Variants in UNC80 observed in about 807,000 individuals in gnomAD.
UNC80 encodes the protein protein unc-80 homolog.
In UNC80, 164 loss-of-function variants were observed where a neutral mutation model predicts 384.6. That is an observed-to-expected ratio of 0.43 (90% CI 0.38 to 0.49). UNC80 has a LOEUF of 0.49. UNC80 is among the 20% of genes least tolerant of loss of function. UNC80 has a pLI of 0.00. For missense variants in UNC80, 3,330 were observed against 4,143.0 expected (o/e 0.80, Z 5.39); for synonymous variants, 1,486 against 1,527.8 (o/e 0.97, Z 0.64).
Position 209,978,544 on chromosome 2 carries a change from C to T in UNC80, c.8954C>T (p.Thr2985Ile), listed in dbSNP as rs749080363. The change falls in exon 59 of 65, where the codon ACA (threonine) becomes ATA (isoleucine). Residue 2985 changes from threonine to isoleucine, a missense_variant. This residue lies in a region of UNC80 where 216 missense variants were observed against 245.3 expected (regional missense o/e 0.88). Coordinates refer to ENST00000673920, the MANE Select transcript of UNC80 (RefSeq NM_001371986.1). ...CATCCTCTAGCCTACCAAGGCAAGA[C>T]ATCCATCAGTACCGTGGGCACCTCC... ...VHSGSAYQGK[T>I]SISTVGTSTS... 2.7e-5 allele frequency: 42 copies of T among 1,546,788 alleles called. No homozygotes were observed. Among genetic ancestry groups the T allele is most frequent in the Non-Finnish European group, 2.9e-5 (33 of 1,143,362 alleles).
chr2:209,980,986 T>C (rs1039935282), intron 59 of UNC80, among the ~76,000 whole-genome samples: 4 of 152,230 alleles, frequency 2.6e-5, no homozygotes, highest in African/African-American at 9.6e-5. Flanking sequence ...AAAGAAAATA[T>C]CATTCTATAA....
At chr2:209,957,178 A>G (rs1251642949) in intron 48 of UNC80, among the ~76,000 whole-genome samples, 1 of 152,188 alleles carries the variant, frequency 6.6e-6, no homozygotes, top group Non-Finnish European at 1.5e-5. Context: ...TGACTAGGAG[A>G]ATTCTTTTAT....
intron 61 of UNC80, among the ~76,000 whole-genome samples, 188 bp from the exon 62 acceptor site, chr2:209,991,978 G>A (rs2093400943): frequency 6.6e-6 from 1 of 152,108 alleles, no homozygotes; most frequent in Non-Finnish European, 1.5e-5. Flanking sequence ...GCAGCTTGGG[G>A]CTACAAGGCC....
intron 15 of UNC80, among the ~76,000 whole-genome samples, chr2:209,829,886 T>TA (rs1302753014): frequency 3.3e-5 from 5 of 152,194 alleles, no homozygotes; most frequent in Admixed American, 6.5e-5. Context: ...TAATTTTTTT[T>TA]AAAAAGGCAA....
intron 33 of UNC80, among the ~76,000 whole-genome samples, chr2:209,919,126 C>T (rs73078956): frequency 0.18 from 26,632 of 151,944 alleles, 2,477 homozygotes; most frequent in East Asian, 0.22. Context: ...ACTCTGACAC[C>T]CCTGCTCTTA....
In UNC80 at chr2:209,943,391, C is replaced by G. The variant is rs2091747405; in HGVS notation, c.6927C>G (p.Asp2309Glu). The G allele has an allele frequency of 6.4e-7, 1 of 1,552,188 alleles. No homozygotes were observed. Among genetic ancestry groups the G allele is most frequent in the Admixed American group, 2.0e-5 (1 of 50,996 alleles). The part of the protein sequence containing the change: ...ILPTMLQVYS[D>E]YESNPQLRQA... ...GCATTTTTCCATAGGTGTACTCCGA[C>G]TATGAAAGCAATCCCCAGCTGCGTC... Residue 2309 changes from aspartate (D) to glutamate (E), a missense_variant, in exon 45 of 65, where the codon GAC (aspartate) becomes GAG (glutamate). Transcript: ENST00000673920.
At position 209,904,773 on chromosome 2, in the gene UNC80, C is replaced by T. The variant is rs747603609; in HGVS notation, c.4590C>T (p.Ile1530=). The T allele has an allele frequency of 1.3e-6, 2 of 1,551,876 alleles. No individual in the cohort carries two copies. Among genetic ancestry groups the T allele is most frequent in the East Asian group, 2.4e-5 (1 of 40,908 alleles). ...HRNMSWLHVM[I]LLCNQQSFIC... ...GAATGTTTGTATTCCAGGTGATGATCTTGCTGTGCAATCAGCAGAGTTTCA... is the reference window on the plus strand; with the variant it reads ...GAATGTTTGTATTCCAGGTGATGATTTTGCTGTGCAATCAGCAGAGTTTCA... The change falls in exon 29 of 65, where the codon ATC becomes ATT. Residue 1530 remains isoleucine (I), a synonymous_variant. Coordinates refer to ENST00000673920, the MANE Select transcript of UNC80 (RefSeq NM_001371986.1).
At chr2:209,827,518 G>A (rs2080626510) in intron 14 of UNC80, among the ~76,000 whole-genome samples, 2 of 152,146 alleles carry the variant, frequency 1.3e-5, no homozygotes, top group South Asian at 4.1e-4. Context: ...CACTTCCTAT[G>A]AGGGCATCCA....
chr2:209,922,103 A>T, intron 34 of UNC80, 149 bp from the exon 35 acceptor site: 1 of 1,027,152 alleles, frequency 9.7e-7, no homozygotes, highest in Non-Finnish European at 1.3e-6. Context: ...GGGCTTTTTT[A>T]ATTTTTATTT....
intron 44 of UNC80, among the ~76,000 whole-genome samples, chr2:209,941,767 G>A (rs1010128229): frequency 1.3e-5 from 2 of 152,138 alleles, no homozygotes; most frequent in South Asian, 4.2e-4. Flanking sequence ...GCATCAACTG[G>A]AAACTTGTTG....
rs1461674652 is a variant in UNC80 at position 209,840,621 on chromosome 2, A to G, written c.3330A>G (p.Arg1110=). The change falls in exon 20 of 65, where the codon CGA becomes CGG. Residue 1110 remains arginine (R), a synonymous_variant. Coordinates refer to ENST00000673920, the MANE Select transcript of UNC80 (RefSeq NM_001371986.1). ...EDLLDISSVD[R]LSFIRQSSKV... is the part of the protein sequence containing the mutation. ...TCCTGGACATTAGCTCTGTGGACCG[A>G]CTCTCTTTCATCAGGCAAAGCTCCA... is the stretch of plus-strand genomic sequence containing the variant. 4 of 1,551,854 alleles carry G rather than the reference A, an allele frequency of 2.6e-6. No homozygotes were observed. The highest frequency in any genetic ancestry group is 3.5e-6 in the Non-Finnish European group (4 of 1,147,004).
intron 4 of UNC80, among the ~76,000 whole-genome samples, chr2:209,778,631 A>C (rs1472966058): frequency 2.0e-5 from 3 of 152,200 alleles, no homozygotes; most frequent in Non-Finnish European, 4.4e-5. Context: ...GATATTACTT[A>C]ACCCCTCAGT....
Position 209,872,891 on chromosome 2 carries a change from G to T in UNC80, c.3761G>T (p.Gly1254Val). 6.4e-7 allele frequency: 1 copy of T among 1,551,568 alleles called. No individual in the cohort carries two copies. The highest frequency in any genetic ancestry group is 8.7e-7 in the Non-Finnish European group (1 of 1,146,920). ...ATCACCAAGAAAGGACTTTCCCGGG[G>T]ACGCTCTCCCATTGTGGGCAACAAG... ...VNITKKGLSR[G>V]RSPIVGNKRN... Residue 1254 changes from glycine to valine, a missense_variant, in exon 23 of 65, where the codon GGA becomes GTA. This residue lies in a region of UNC80 where 801 missense variants were observed against 950.8 expected (regional missense o/e 0.84). Transcript: ENST00000673920. This position sits in a 1 kb window ranked among gnomAD's most constrained non-coding sequence, Gnocchi z 4.1.
chr2:209,879,924 A>G (rs2085134462), intron 24 of UNC80, among the ~76,000 whole-genome samples: 1 of 152,236 alleles, frequency 6.6e-6, no homozygotes, highest in South Asian at 2.1e-4. Context: ...CCTATTTTCA[A>G]ATGAAATCGT....
At chr2:209,920,670 T>C (rs1220097813) in intron 33 of UNC80, among the ~76,000 whole-genome samples, 1 of 152,184 alleles carries the variant, frequency 6.6e-6, no homozygotes, top group Non-Finnish European at 1.5e-5. Flanking sequence ...TAACTTTGTT[T>C]CCACAAATAT....
chr2:209,904,019 A>G (rs1269435190), intron 28 of UNC80, among the ~76,000 whole-genome samples: 1 of 152,132 alleles, frequency 6.6e-6, no homozygotes, highest in Non-Finnish European at 1.5e-5. Context: ...TGCATATGCT[A>G]TTGCCTTTTA....
At chr2:209,775,653 G>C (rs2076821833) in intron 2 of UNC80, among the ~76,000 whole-genome samples, 1 of 152,038 alleles carries the variant, frequency 6.6e-6, no homozygotes. Context: ...CATTTACTTT[G>C]GCTCAAAAGC....
chr2:209,854,765 G>A (rs1466689473), intron 22 of UNC80, among the ~76,000 whole-genome samples: 12 of 151,960 alleles, frequency 7.9e-5, no homozygotes, highest in Admixed American at 5.2e-4. Context: ...CACACCAGTC[G>A]GAATGGTGAT....
rs1329951964 is a variant in UNC80, at chr2:209,978,572, C to T, written c.8982C>T (p.Thr2994=). The change falls in exon 59 of 65, where the codon ACC becomes ACT. Residue 2994 remains threonine (T), a synonymous_variant. Transcript: ENST00000673920. ...CCATCAGTACCGTGGGCACCTCCAC[C>T]TCTGCTTACCGCCTGAGCTTGGCCA... The part of the protein sequence containing the change: ...KTSISTVGTS[T]SAYRLSLATM... The T allele has an allele frequency of 1.3e-6, 2 of 1,550,996 alleles. No individual in the cohort carries two copies. Among genetic ancestry groups the T allele is most frequent in the Admixed American group, 3.9e-5 (2 of 50,996 alleles).
Sources: allele counts gnomAD v4.1 joint callset (sites outside exome capture counted in the v4.1 genomes callset), GRCh38; gene constraint gnomAD v4.1.1; regional missense constraint gnomAD v4.1.1; non-coding constraint Gnocchi (gnomAD v3.1); transcripts MANE v1.5; gene names NCBI Gene and HGNC (gene_info 2026-07-23, HGNC 2026-07-21).